LRP5: variants seen among roughly 807,000 people sequenced by gnomAD.
LRP5 encodes low-density lipoprotein receptor-related protein 5.
In LRP5, 62 loss-of-function variants were observed where a neutral mutation model predicts 154.1. The observed-to-expected ratio is 0.40, with a 90% CI of 0.33 to 0.50. The LOEUF (loss-of-function observed/expected upper bound fraction) is 0.50. Ranked by LOEUF, LRP5 falls within the 20% of genes least tolerant of loss-of-function variation. The pLI, the probability that LRP5 is intolerant of heterozygous loss-of-function variation, is 0.55. For synonymous variants in LRP5, 966 were observed against 1,011.5 expected, an observed-to-expected ratio of 0.96 and a Z score of 0.85; for missense variants, 1,915 against 2,336.7, an observed-to-expected ratio of 0.82 and a Z score of 3.72.
chr11:68,395,670 G>A (rs917577617), intron 7 of LRP5, among the ~76,000 whole-genome samples: 4 of 152,054 alleles, frequency 2.6e-5, no homozygotes, highest in East Asian at 1.9e-4. Context: ...CCCTGGTGGC[G>A]CACTCTCTGG....
chr11:68,303,181 G>A, the LRP5 span, among the ~76,000 whole-genome samples: 1 of 152,090 alleles, frequency 6.6e-6, no homozygotes, highest in Non-Finnish European at 1.5e-5. Context: ...GCCCAAGCTG[G>A]ACTGCAGTGA....
At chr11:68,361,551 G>T (rs1278223251) in intron 3 of LRP5, among the ~76,000 whole-genome samples, 4 of 151,736 alleles carry the variant, frequency 2.6e-5, no homozygotes, top group African/African-American at 7.3e-5. Flanking sequence ...GCAGGAGAAT[G>T]GTGTGAACCC....
In LRP5 at chr11:68,423,863, C is replaced by T. The variant is rs2098667247; in HGVS notation, c.3236+166C>T. On this transcript the variant is annotated intron_variant, in intron 14 of 22. Coordinates refer to ENST00000294304, the MANE Select transcript of LRP5 (RefSeq NM_002335.4). This position sits in a 1 kb window ranked among gnomAD's most constrained non-coding sequence, Gnocchi z 4.7. ...AAACACAGGCTCTTTCACAGCCCCT[C>T]CAGGAAAGCAGAAAGCCCCAAGGGC... 6.6e-6 allele frequency among the ~76,000 whole-genome samples: 1 copy of T among 152,196 alleles called. No individual in the cohort carries two copies. The highest frequency in any genetic ancestry group is 6.5e-5 in the Admixed American group (1 of 15,280).
chr11:68,418,803 T>A (rs2098663981), intron 13 of LRP5, among the ~76,000 whole-genome samples: 1 of 152,150 alleles, frequency 6.6e-6, no homozygotes, highest in African/African-American at 2.4e-5. Context: ...ATGGATTCCT[T>A]TCATCTTGCT....
chr11:68,418,926 G>GC (rs2098664024), intron 13 of LRP5, among the ~76,000 whole-genome samples: 5 of 152,182 alleles, frequency 3.3e-5, no homozygotes, highest in Admixed American at 3.3e-4. Flanking sequence ...GAGTTTCACT[G>GC]GAGCTGCGTT....
chr11:68,339,164 G>A lies in LRP5; in HGVS notation c.92-8683G>A, dbSNP rs145052816. Reference sequence around the variant, plus strand: ...GTTGGCATTACAGGTGTAAGACACCGCGTCGGGCCTTTTTTGTTTTTGTTT... The same window carrying A: ...GTTGGCATTACAGGTGTAAGACACCACGTCGGGCCTTTTTTGTTTTTGTTT... On this transcript the variant is annotated intron_variant, in intron 1 of 22. Transcript: ENST00000294304. Among the ~76,000 whole-genome samples, 28 of 151,860 alleles carry A rather than the reference G, an allele frequency of 1.8e-4. No homozygotes were observed. In the East Asian group the frequency reaches 2.7e-3, roughly 15 times the overall value.
chr11:68,398,964 A>G (rs1386962614), intron 7 of LRP5, among the ~76,000 whole-genome samples: 1 of 151,918 alleles, frequency 6.6e-6, no homozygotes, highest in Admixed American at 6.6e-5. Context: ...CTGGAACTCC[A>G]TCTTGGCCTC....
intron 1 of LRP5, among the ~76,000 whole-genome samples, chr11:68,336,958 A>C (rs557648044): frequency 6.6e-6 from 1 of 152,352 alleles, no homozygotes; most frequent in Admixed American, 6.5e-5. Context: ...GGTGCAGCAG[A>C]AGCATCATAG....
intron 2 of LRP5, among the ~76,000 whole-genome samples, chr11:68,352,222 A>T (rs553610386): frequency 3.3e-5 from 5 of 152,182 alleles, no homozygotes; most frequent in African/African-American, 9.6e-5. Context: ...GAGATTTGGG[A>T]TCTGTTCTGA....
At chr11:68,426,712 T>C (rs1343959815) in intron 16 of LRP5, among the ~76,000 whole-genome samples, 1 of 152,160 alleles carries the variant, frequency 6.6e-6, no homozygotes, top group Non-Finnish European at 1.5e-5. Flanking sequence ...TGTGAGCCAC[T>C]GGCCTGACAA....
intron 7 of LRP5, among the ~76,000 whole-genome samples, chr11:68,391,097 T>C (rs373109551): frequency 6.6e-6 from 1 of 152,108 alleles, no homozygotes; most frequent in African/African-American, 2.4e-5. Flanking sequence ...GCCTCCCACA[T>C]AGCTGGGATT....
At chr11:68,318,347 CTT>C (rs777922038) in intron 1 of LRP5, among the ~76,000 whole-genome samples, 21 of 127,662 alleles carry the variant, frequency 1.6e-4, no homozygotes, top group Non-Finnish European at 1.5e-4. Context: ...ACCCGGCCTG[CTT>C]TTTTTTTTTT....
intron 5 of LRP5, among the ~76,000 whole-genome samples, chr11:68,370,887 T>A (rs2098633670): frequency 6.6e-6 from 1 of 152,222 alleles, no homozygotes. Context: ...TAGGGTGTTC[T>A]GTCAAAGGGA....
At chr11:68,371,215 G>T (rs2098633831) in intron 5 of LRP5, among the ~76,000 whole-genome samples, 2 of 152,210 alleles carry the variant, frequency 1.3e-5, no homozygotes, top group Non-Finnish European at 2.9e-5. Context: ...TCAAGGGTTT[G>T]TCACCAGGAT....
At chr11:68,424,338 C>T (rs961792350) in intron 14 of LRP5, among the ~76,000 whole-genome samples, 1 of 152,218 alleles carries the variant, frequency 6.6e-6, no homozygotes, top group African/African-American at 2.4e-5. Context: ...GAGATTGAGC[C>T]CTGACTCTGT....
At chr11:68,390,994 TGTC>T (rs1288227269) in intron 7 of LRP5, among the ~76,000 whole-genome samples, 4 of 152,220 alleles carry the variant, frequency 2.6e-5, no homozygotes, top group Non-Finnish European at 5.9e-5. Flanking sequence ...TTGTTTTTGT[TGTC>T]GTTGTTGTTG....
Position 68,413,350 on chromosome 11 carries a change from A to G in LRP5, c.2504-339A>G, listed in dbSNP as rs1394266634. Reference sequence around the variant, plus strand: ...GCTCCGGATGTTTACTGAGTGCTTGATTAATAACATGGAAGGCCTGGTCTC... The same window carrying G: ...GCTCCGGATGTTTACTGAGTGCTTGGTTAATAACATGGAAGGCCTGGTCTC... On this transcript the variant is annotated intron_variant, in intron 11 of 22. Transcript: ENST00000294304. The surrounding 1 kb of genome is among the most constrained non-coding windows in gnomAD (Gnocchi z 5.1). 6.6e-6 allele frequency among the ~76,000 whole-genome samples: 1 copy of G among 152,134 alleles called. No individual in the cohort carries two copies. Among genetic ancestry groups the G allele is most frequent in the Non-Finnish European group, 1.5e-5 (1 of 68,016 alleles).
intron 20 of LRP5, among the ~76,000 whole-genome samples, chr11:68,439,090 G>A (rs1226327955): frequency 3.3e-5 from 5 of 152,222 alleles, no homozygotes; most frequent in East Asian, 1.9e-4. Flanking sequence ...TTGTGGCTGA[G>A]CAGTTACAAT....
intron 8 of LRP5, among the ~76,000 whole-genome samples, chr11:68,406,273 T>C (rs1369229541): frequency 6.6e-6 from 1 of 152,216 alleles, no homozygotes; most frequent in Non-Finnish European, 1.5e-5. Context: ...CTGTTTGATG[T>C]GTGGCGGGAA....
Sources: gnomAD v4.1 joint callset for allele counts (sites outside exome capture counted in the v4.1 genomes callset) on GRCh38, gnomAD v4.1.1 for gene constraint, Gnocchi (gnomAD v3.1) non-coding constraint, MANE v1.5 for transcripts, NCBI Gene and HGNC (gene_info 2026-07-23, HGNC 2026-07-21) for gene names.